Variants in NHSL1 observed in about 807,000 individuals in gnomAD.
NHSL1 encodes the protein NHS like 1.
In NHSL1, 48 loss-of-function variants were observed where a neutral mutation model predicts 95.0. The observed-to-expected ratio is 0.51, with a 90% confidence interval of 0.40 to 0.64. The LOEUF (loss-of-function observed/expected upper bound fraction) is 0.64. Among genes scored for constraint, NHSL1 ranks in the 30% least tolerant of loss-of-function variants. The pLI, the probability that NHSL1 is intolerant of heterozygous loss-of-function variation, is 0.00. For missense variants in NHSL1, 1,971 were observed against 2,077.7 expected, an observed-to-expected ratio of 0.95 and a Z score of 1.00; for synonymous variants, 783 against 833.9, an observed-to-expected ratio of 0.94 and a Z score of 1.05.
chr6:138,655,539 T>C (rs897497271), intron 1 of NHSL1, among the ~76,000 whole-genome samples: 3 of 152,208 alleles, frequency 2.0e-5, no homozygotes, highest in Non-Finnish European at 4.4e-5. Flanking sequence ...ACACCTAACT[T>C]GGCATGACTT....
At position 138,433,017 on chromosome 6, in the gene NHSL1, G is replaced by A. The variant is rs1332022249; in HGVS notation, c.1328C>T (p.Ser443Leu). The change falls in exon 6 of 8, where the codon TCA becomes TTA. Residue 443 changes from serine (S) to leucine (L), a missense_variant. Physicochemically the swap from Ser to Leu is moderately radical, Grantham distance 145 (BLOSUM62 -2). Around this residue, in one of 3 missense-constraint regions of NHSL1, gnomAD observed 1,602 missense variants for 1,654.5 expected, o/e 0.97. Transcript: ENST00000343505. ...AGQRESKSSG[S>L]SHARIKSRDH... ...TCTGGATTTTATCCTTGCATGTGAT[G>A]AGCCAGAACTTTTACTTTCCCGCTG... 1.9e-6 allele frequency: 3 copies of A among 1,551,642 alleles called. No individual in the cohort carries two copies. Among genetic ancestry groups the A allele is most frequent in the East Asian group, 2.4e-5 (1 of 40,912 alleles).
chr6:138,661,503 A>G (rs1785226572), intron 1 of NHSL1, among the ~76,000 whole-genome samples: 1 of 151,946 alleles, frequency 6.6e-6, no homozygotes, highest in Non-Finnish European at 1.5e-5. Flanking sequence ...CTCAAAAAAA[A>G]AAAAAAAGAT....
At chr6:138,449,670 T>C (rs180672898) in intron 3 of NHSL1, among the ~76,000 whole-genome samples, 74 of 150,710 alleles carry the variant, frequency 4.9e-4, no homozygotes, top group Non-Finnish European at 1.0e-3. Context: ...ATCGAGACTC[T>C]GTCTCAAAAA....
chr6:138,641,385 A>G (rs1373557983), intron 1 of NHSL1, among the ~76,000 whole-genome samples: 1 of 152,228 alleles, frequency 6.6e-6, no homozygotes, highest in Non-Finnish European at 1.5e-5. Flanking sequence ...AGAACCATGT[A>G]AGAGGAAAGA....
At chr6:138,632,451 C>T (rs1784831650) in intron 1 of NHSL1, among the ~76,000 whole-genome samples, 2 of 152,184 alleles carry the variant, frequency 1.3e-5, no homozygotes, top group Non-Finnish European at 2.9e-5. Flanking sequence ...TCTGACCCAG[C>T]GCGGTCCTAG....
At chr6:138,492,499 G>T (rs1312139872) in intron 2 of NHSL1, among the ~76,000 whole-genome samples, 4 of 152,186 alleles carry the variant, frequency 2.6e-5, no homozygotes, top group African/African-American at 9.7e-5. Context: ...CAGAACAGAT[G>T]CTCAATATTG....
chr6:138,485,682 T>C lies in NHSL1; in HGVS notation c.211+10537A>G, dbSNP rs1406460211. Among the ~76,000 whole-genome samples, 3 of 152,332 alleles carry C rather than the reference T, an allele frequency of 2.0e-5. No individual in the cohort carries two copies. The East Asian group carries it at 5.8e-4, about 29-fold the overall frequency. On this transcript the variant is annotated intron_variant, in intron 2 of 7. Coordinates refer to ENST00000343505, the MANE Select transcript of NHSL1 (RefSeq NM_001144060.2). ...GGAGAAGTTAAATAGCCCCTTTTTG[T>C]ATATAATTCCCATTCTGTTAATCCC... is the stretch of plus-strand genomic sequence containing the variant.
chr6:138,536,339 A>G (rs1583374562), intron 1 of NHSL1, among the ~76,000 whole-genome samples: 1 of 152,274 alleles, frequency 6.6e-6, no homozygotes, highest in East Asian at 1.9e-4. Flanking sequence ...GATTTATGAT[A>G]TTTGCCATAC....
intron 1 of NHSL1, among the ~76,000 whole-genome samples, chr6:138,637,615 G>A (rs1680637810): frequency 6.6e-6 from 1 of 152,038 alleles, no homozygotes; most frequent in African/African-American, 2.4e-5. Context: ...TGGCTAACAG[G>A]CATATGAAAA....
At chr6:138,546,443 A>C (rs1021459785), upstream of NHSL1, among the ~76,000 whole-genome samples, 3 of 147,826 alleles carry the variant, frequency 2.0e-5, no homozygotes, top group Middle Eastern at 3.5e-3. Context: ...AAAAAAAAAA[A>C]AAAAAAAAAA....
At chr6:138,500,172 A>T (rs1390737284), upstream of NHSL1, among the ~76,000 whole-genome samples, 2 of 152,216 alleles carry the variant, frequency 1.3e-5, no homozygotes, top group African/African-American at 4.8e-5. Flanking sequence ...TCTTTATTTT[A>T]TATGTAATTG....
intron 3 of NHSL1, among the ~76,000 whole-genome samples, chr6:138,465,181 G>A (rs1778282862): frequency 6.6e-6 from 1 of 151,382 alleles, no homozygotes; most frequent in Non-Finnish European, 1.5e-5. Context: ...CATACCCTAG[G>A]CCTTCACATT....
chr6:138,555,796 A>G (rs1159051307), intron 1 of NHSL1, among the ~76,000 whole-genome samples: 4 of 152,238 alleles, frequency 2.6e-5, no homozygotes, highest in Non-Finnish European at 4.4e-5. Flanking sequence ...TGACCCTCAC[A>G]GGGCAGTCAG....
intron 1 of NHSL1, among the ~76,000 whole-genome samples, chr6:138,540,628 G>A (rs376042798): frequency 2.0e-5 from 3 of 152,206 alleles, no homozygotes; most frequent in East Asian, 1.9e-4. Flanking sequence ...GCACGATGAC[G>A]AAGGATAGAG....
intron 3 of NHSL1, among the ~76,000 whole-genome samples, chr6:138,454,735 CTA>C (rs1306935909): frequency 1.3e-5 from 2 of 152,216 alleles, no homozygotes; most frequent in Non-Finnish European, 2.9e-5. Context: ...TATTTAAAAA[CTA>C]TGTGATCTTA....
At chr6:138,681,006 G>A (rs1207747513) in intron 1 of NHSL1, among the ~76,000 whole-genome samples, 1 of 152,142 alleles carries the variant, frequency 6.6e-6, no homozygotes, top group African/African-American at 2.4e-5. Context: ...AAAAAATTAA[G>A]AGTTAACAAT....
chr6:138,459,256 G>A (rs1236599522), intron 3 of NHSL1, among the ~76,000 whole-genome samples: 1 of 152,072 alleles, frequency 6.6e-6, no homozygotes, highest in Non-Finnish European at 1.5e-5. Context: ...CCAAAGTGCT[G>A]GTATTACAGG....
In NHSL1 at chr6:138,564,899, C is replaced by T. The variant is rs143648021; in HGVS notation, c.202+6811G>A. On this transcript the variant is annotated intron_variant, in intron 1 of 6. Coordinates refer to the NHSL1 transcript ENST00000427025. ...GGAGGTCAACAGGCAGGGGAGGCGACTCGAGCACCCTGGCACAGGGAATAA... is the reference window on the plus strand; with the variant it reads ...GGAGGTCAACAGGCAGGGGAGGCGATTCGAGCACCCTGGCACAGGGAATAA... 1.2e-4 allele frequency among the ~76,000 whole-genome samples: 18 copies of T among 152,238 alleles called. 1 individual carries two copies. The highest frequency in any genetic ancestry group is 4.1e-4 in the African/African-American group (17 of 41,544).
intron 2 of NHSL1, among the ~76,000 whole-genome samples, chr6:138,490,031 C>T (rs968557810): frequency 1.3e-5 from 2 of 150,678 alleles, no homozygotes; most frequent in African/African-American, 4.9e-5. Flanking sequence ...GGCAAGCAAG[C>T]AGGAACAGGA....
Sources: gnomAD v4.1 joint callset for allele counts (sites outside exome capture counted in the v4.1 genomes callset) on GRCh38, gnomAD v4.1.1 for gene constraint, gnomAD v4.1.1 regional missense constraint, MANE v1.5 for transcripts, NCBI Gene and HGNC (gene_info 2026-07-23, HGNC 2026-07-21) for gene names.